The following CELSR1 variants were observed in gnomAD, a reference collection of about 807,000 sequenced individuals.
CELSR1 encodes the protein cadherin EGF LAG seven-pass G-type receptor 1.
In CELSR1, 110 loss-of-function variants were observed where a neutral mutation model predicts 249.1. The observed-to-expected ratio is 0.44, with a 90% confidence interval of 0.38 to 0.52. The LOEUF is 0.52. Ranked by LOEUF, CELSR1 falls within the 20% of genes least tolerant of loss-of-function variation. CELSR1 has a pLI of 0.00. For synonymous variants in CELSR1, 2,113 were observed against 1,900.0 expected (o/e 1.11, Z -2.92); for missense variants, 4,109 against 4,296.4 (o/e 0.96, Z 1.22).
At chr22:46,499,001 G>A (rs1313371872) in intron 1 of CELSR1, among the ~76,000 whole-genome samples, 6 of 151,868 alleles carry the variant, frequency 4.0e-5, no homozygotes, top group Non-Finnish European at 8.8e-5. Flanking sequence ...CCAACATGGT[G>A]AAACCCTGTC....
At chr22:46,491,812 TTTTTAGTAGAGACGGGG>T (rs2080370244) in intron 1 of CELSR1, among the ~76,000 whole-genome samples, 1 of 151,612 alleles carries the variant, frequency 6.6e-6, no homozygotes, top group African/African-American at 2.4e-5. Flanking sequence ...AATGTTTGTA[TTTTTAGTAGAGACGGGG>T]TTTCACCATG....
In CELSR1 at chr22:46,413,790, G is replaced by A. The variant is rs115291166; in HGVS notation, c.4612-2031C>T. ...TGTAACGCGGCCCACTTTGGAAAACGCGTGGAAGTGCCCATTATGGGACGC... is the reference window on the plus strand; with the variant it reads ...TGTAACGCGGCCCACTTTGGAAAACACGTGGAAGTGCCCATTATGGGACGC... On this transcript the variant is annotated intron_variant, in intron 5 of 34. Transcript: ENST00000674500. The surrounding 1 kb of genome is among the most constrained non-coding windows in gnomAD (Gnocchi z 4.7). 9.7e-3 allele frequency among the ~76,000 whole-genome samples: 1,471 copies of A among 152,280 alleles called. 18 individuals are homozygous for A. The highest frequency in any genetic ancestry group is 0.034 in the African/African-American group (1,416 of 41,550).
chr22:46,363,683 T>C lies in CELSR1; in HGVS notation c.9035+313A>G. 1 of 422,014 alleles carries C rather than the reference T, an allele frequency of 2.4e-6. No individual in the cohort carries two copies. The highest frequency in any genetic ancestry group is 4.2e-6 in the Non-Finnish European group (1 of 236,120). 26.1% of individuals were successfully genotyped at this position (422,014 alleles called of 1,614,324 possible). A position where few individuals can be genotyped will look rare whatever the true frequency, so the allele number is the denominator to read the frequency against. On this transcript the variant is annotated intron_variant, in intron 34 of 34. Coordinates refer to ENST00000674500, the MANE Select transcript of CELSR1 (RefSeq NM_001378328.1). The surrounding 1 kb of genome is among the most constrained non-coding windows in gnomAD (Gnocchi z 4.3). ...TCAACTGCAAGGTGGGTGGCAGTGG[T>C]CCCAGGCGGAGACAATGCTGATCAA...
At chr22:46,424,765 G>A (rs957818341) in intron 5 of CELSR1, among the ~76,000 whole-genome samples, 1 of 152,216 alleles carries the variant, frequency 6.6e-6, no homozygotes, top group African/African-American at 2.4e-5. Flanking sequence ...TTGAGGTCAG[G>A]AGTTCAAAAC....
chr22:46,381,890 C>A lies in CELSR1; in HGVS notation c.7044G>T (p.Gly2348=), dbSNP rs1602050892. Reference sequence around the variant, plus strand: ...GGTCGTAGCGCTCGGGCAGGAGCTGCCCCAGGGTGCGGTAAATGATGACCA... The same window carrying A: ...GGTCGTAGCGCTCGGGCAGGAGCTGACCCAGGGTGCGGTAAATGATGACCA... ...VALVIIYRTL[G]QLLPERYDPD... The change falls in exon 21 of 35, where the codon GGG becomes GGT. Residue 2348 remains glycine, a synonymous_variant. Coordinates refer to ENST00000674500, the MANE Select transcript of CELSR1 (RefSeq NM_001378328.1). The surrounding 1 kb of genome is among the most constrained non-coding windows in gnomAD (Gnocchi z 6.0). 1 of 1,574,460 alleles carries A rather than the reference C, an allele frequency of 6.4e-7. No homozygotes were observed. Among genetic ancestry groups the A allele is most frequent in the Non-Finnish European group, 8.6e-7 (1 of 1,162,422 alleles).
rs556742531 is a variant in CELSR1, at chr22:46,516,959, G to A, written c.3544+16668C>T. The stretch of plus-strand genomic sequence containing the variant: ...CTAAACCAGTGTCACGGCTGGCAAA[G>A]CCATGGGATGCCCTTTTCGTGTTTT... On this transcript the variant is annotated intron_variant, in intron 1 of 34. Transcript: ENST00000674500. Among the ~76,000 whole-genome samples, 3 of 152,298 alleles carry A rather than the reference G, an allele frequency of 2.0e-5. No individual in the cohort carries two copies. The South Asian group carries it at 6.2e-4, about 32-fold the overall frequency.
Position 46,398,962 on chromosome 22 carries a change from C to A in CELSR1, c.5413-325G>T, listed in dbSNP as rs533750679. Among the ~76,000 whole-genome samples, 145 of 152,294 alleles carry A rather than the reference C, an allele frequency of 9.5e-4. 1 individual carries two copies. The highest frequency in any genetic ancestry group is 1.7e-3 in the Non-Finnish European group (118 of 68,022). On this transcript the variant is annotated intron_variant, in intron 10 of 34. Transcript: ENST00000674500. This position sits in a 1 kb window ranked among gnomAD's most constrained non-coding sequence, Gnocchi z 7.2. The stretch of plus-strand genomic sequence containing the variant: ...AGCCACGCTGTGACAGAGAGCTTGG[C>A]GAGTCAGGAAGACTGCAGTGAACGG...
rs979925066 is a variant in CELSR1 at position 46,391,595 on chromosome 22, G to A, written c.6148+38C>T. 58 of 1,538,524 alleles carry A rather than the reference G, an allele frequency of 3.8e-5. No homozygotes were observed. In the Middle Eastern group the frequency reaches 7.1e-4, roughly 19 times the overall value. On this transcript the variant is annotated intron_variant, in intron 15 of 34. Transcript: ENST00000674500. The surrounding 1 kb of genome is among the most constrained non-coding windows in gnomAD (Gnocchi z 4.3). ...CACGCCAGTGCAGCAGCCTGTCCCC[G>A]CGCTGTAACCTGCAGGGTGTCGAGG...
chr22:46,478,068 C>T lies in CELSR1; in HGVS notation c.3545-13723G>A, dbSNP rs557546530. Among the ~76,000 whole-genome samples the T allele has an allele frequency of 6.9e-4, 105 of 152,282 alleles. 2 individuals carry two copies. The South Asian group carries it at 0.02, about 29-fold the overall frequency. ...GCACACCAGCTGAAAACCCAGCCCTCGGAAATGATCACCCAAACCTCTGGA... is the reference window on the plus strand; with the variant it reads ...GCACACCAGCTGAAAACCCAGCCCTTGGAAATGATCACCCAAACCTCTGGA... On this transcript the variant is annotated intron_variant, in intron 1 of 34. Transcript: ENST00000674500.
intron 1 of CELSR1, among the ~76,000 whole-genome samples, chr22:46,482,148 G>T (rs765596655): frequency 1.3e-5 from 2 of 152,230 alleles, no homozygotes; most frequent in Non-Finnish European, 1.5e-5. Context: ...AAGAAGAGCT[G>T]CATGTCTCAA....
At chr22:46,459,936 G>C (rs2080001510) in intron 2 of CELSR1, among the ~76,000 whole-genome samples, 1 of 152,196 alleles carries the variant, frequency 6.6e-6, no homozygotes, top group African/African-American at 2.4e-5. Context: ...GCCAGGCGTA[G>C]TGGCTCACGC....
chr22:46,449,385 C>G (rs916985892), intron 2 of CELSR1, among the ~76,000 whole-genome samples: 1 of 151,830 alleles, frequency 6.6e-6, no homozygotes, highest in Non-Finnish European at 1.5e-5. Flanking sequence ...ATCCATCCAA[C>G]CACCCATCAC....
chr22:46,373,481 C>CGGGG lies in CELSR1; in HGVS notation c.7585-425_7585-424insCCCC, dbSNP rs2078879771. Among the ~76,000 whole-genome samples, 4 of 118,128 alleles carry CGGGG rather than the reference C, an allele frequency of 3.4e-5. No individual in the cohort carries two copies. In the East Asian group the frequency reaches 9.6e-4, roughly 28 times the overall value. 77.5% of individuals were successfully genotyped at this position (118,128 alleles called of 152,430 possible). ...GGGGGGCAGCTTCACACCCAGTGCT[C>CGGGG]TGGGGTGGGGGGGGCAGCTTCACGC... On this transcript the variant is annotated intron_variant, in intron 24 of 34. Coordinates refer to ENST00000674500, the MANE Select transcript of CELSR1 (RefSeq NM_001378328.1).
At chr22:46,367,201 C>T in intron 28 of CELSR1, 83 bp from the exon 29 acceptor site, 1 of 1,511,324 alleles carries the variant, frequency 6.6e-7, no homozygotes. Flanking sequence ...GATGCGCATA[C>T]AGCCTTGAGT....
chr22:46,511,108 C>T (rs1186293208), intron 1 of CELSR1, among the ~76,000 whole-genome samples: 3 of 115,882 alleles, frequency 2.6e-5, no homozygotes, highest in East Asian at 5.2e-4. Flanking sequence ...ATCAAGACTT[C>T]GTCTCAAAAA....
At position 46,364,496 on chromosome 22, in the gene CELSR1, C is replaced by G. The variant is rs772365465; in HGVS notation, c.8779+16G>C. 6.2e-7 allele frequency: 1 copy of G among 1,600,808 alleles called. No individual in the cohort carries two copies. Among genetic ancestry groups the G allele is most frequent in the Non-Finnish European group, 8.5e-7 (1 of 1,173,060 alleles). On this transcript the variant is annotated intron_variant, in intron 33 of 34. Coordinates refer to ENST00000674500, the MANE Select transcript of CELSR1 (RefSeq NM_001378328.1). ...GTCCTCCAGCCTTTCACTGCAGCCCCGGCCTCCCCAGGCACCTTTCCTCTG... is the reference window on the plus strand; with the variant it reads ...GTCCTCCAGCCTTTCACTGCAGCCCGGGCCTCCCCAGGCACCTTTCCTCTG...
rs1247942842 is a variant in CELSR1, at chr22:46,441,391, C to T, written c.4184-1980G>A. ...GGACGGCCAGTGGGATTCACACAGC[C>T]GCTGCCGTGTGGGGCAGCCTAATTT... On this transcript the variant is annotated intron_variant, in intron 2 of 34. Coordinates refer to ENST00000674500, the MANE Select transcript of CELSR1 (RefSeq NM_001378328.1). The surrounding 1 kb of genome is among the most constrained non-coding windows in gnomAD (Gnocchi z 6.1). Among the ~76,000 whole-genome samples, 7 of 152,056 alleles carry T rather than the reference C, an allele frequency of 4.6e-5. No individual in the cohort carries two copies. The highest frequency in any genetic ancestry group is 1.4e-4 in the African/African-American group (6 of 41,392).
intron 18 of CELSR1, among the ~76,000 whole-genome samples, chr22:46,388,976 G>A (rs997211793): frequency 6.6e-6 from 1 of 152,232 alleles, no homozygotes; most frequent in African/African-American, 2.4e-5. Flanking sequence ...CAGGCTGCAT[G>A]GAAGGGAGAG....
chr22:46,449,436 C>T (rs1326900285), intron 2 of CELSR1, among the ~76,000 whole-genome samples: 2 of 152,096 alleles, frequency 1.3e-5, no homozygotes, highest in African/African-American at 2.4e-5. Context: ...CACAGCCATC[C>T]ATCCATCCAA....
Sources: allele counts gnomAD v4.1 joint callset (sites outside exome capture counted in the v4.1 genomes callset), GRCh38; gene constraint gnomAD v4.1.1; non-coding constraint Gnocchi (gnomAD v3.1); transcripts MANE v1.5; gene names NCBI Gene and HGNC (gene_info 2026-07-23, HGNC 2026-07-21).